NEDD4L: variants seen among roughly 807,000 people sequenced by gnomAD.
NEDD4L encodes the protein E3 ubiquitin-protein ligase NEDD4-like.
In NEDD4L, 54 loss-of-function variants were observed where a neutral mutation model predicts 148.9. The ratio of observed to expected loss-of-function variants is 0.36; its 90% confidence interval spans 0.29 to 0.45. The LOEUF (loss-of-function observed/expected upper bound fraction) is 0.45, where lower values mean the gene tolerates loss of function less well. NEDD4L is among the 20% of genes least tolerant of loss of function. NEDD4L has a pLI of 1.00. For synonymous variants in NEDD4L, 433 were observed against 440.7 expected, an observed-to-expected ratio of 0.98 and a Z score of 0.22; for missense variants, 856 against 1,233.8, an observed-to-expected ratio of 0.69 and a Z score of 4.59.
chr18:58,329,223 T>G, intron 10 of NEDD4L, 96 bp downstream of exon 10: 1 of 1,337,816 alleles, frequency 7.5e-7, no homozygotes, highest in Non-Finnish European at 1.0e-6. Flanking sequence ...TCAGTAAACA[T>G]TGTTGAGAAT....
chr18:58,199,256 T>G (rs1390855295), intron 2 of NEDD4L, among the ~76,000 whole-genome samples: 1 of 152,242 alleles, frequency 6.6e-6, no homozygotes, highest in Non-Finnish European at 1.5e-5. Context: ...ATCCATATGA[T>G]GAATTGCTTA....
intron 5 of NEDD4L, among the ~76,000 whole-genome samples, chr18:58,279,392 G>A (rs938079075): frequency 1.3e-5 from 2 of 152,182 alleles, no homozygotes; most frequent in Admixed American, 1.3e-4. Context: ...ATGCTGAAAG[G>A]CTGCACAGGA....
chr18:58,308,481 C>G (rs1337187811), intron 5 of NEDD4L, among the ~76,000 whole-genome samples: 1 of 152,234 alleles, frequency 6.6e-6, no homozygotes, highest in Non-Finnish European at 1.5e-5. Flanking sequence ...ATGACAAGCT[C>G]TGGCTTCTTC....
At chr18:58,336,222 T>C (rs2041731616) in intron 13 of NEDD4L, 1 of 152,250 alleles carries the variant, frequency 6.6e-6, no homozygotes, top group Non-Finnish European at 1.5e-5. Context: ...TTGCCTGTTT[T>C]CTACTTGATC....
chr18:58,345,926 T>G (rs1399198749), intron 16 of NEDD4L, among the ~76,000 whole-genome samples: 5 of 137,770 alleles, frequency 3.6e-5, no homozygotes, highest in African/African-American at 8.5e-5. Context: ...GTTTTTTGTT[T>G]TTTGTTTTTT....
Position 58,248,892 on chromosome 18 carries a change from C to T in NEDD4L, c.205-7C>T. 2 of 1,457,482 alleles carry T rather than the reference C, an allele frequency of 1.4e-6. No homozygotes were observed. The highest frequency in any genetic ancestry group is 1.9e-6 in the Non-Finnish European group (2 of 1,061,490). 90.3% of individuals were successfully genotyped at this position (1,457,482 alleles called of 1,614,324 possible). A position where few individuals can be genotyped will look rare whatever the true frequency, so the allele number is the denominator to read the frequency against. On this transcript the variant is annotated splice_region_variant and splice_polypyrimidine_tract_variant and intron_variant, in intron 3 of 30. Coordinates refer to ENST00000400345, the MANE Select transcript of NEDD4L (RefSeq NM_001144967.3). Reference sequence around the variant, plus strand: ...TAAAAGATACTACAAGATAATTTCTCTTCCAGACACTGAACCCAAAATGGA... The same window carrying T: ...TAAAAGATACTACAAGATAATTTCTTTTCCAGACACTGAACCCAAAATGGA...
At chr18:58,341,820 C>T in intron 15 of NEDD4L, 23 bp downstream of exon 15, 1 of 1,606,262 alleles carries the variant, frequency 6.2e-7, no homozygotes, top group Non-Finnish European at 8.5e-7. Flanking sequence ...CCTCATCTAA[C>T]TGGACTCACT....
chr18:58,354,049 G>A (rs7242119), intron 18 of NEDD4L, among the ~76,000 whole-genome samples: 57,875 of 152,114 alleles, frequency 0.38, 12,588 homozygotes, highest in African/African-American at 0.6. Context: ...TTAATTTCAA[G>A]AGCAACGAAT....
intron 1 of NEDD4L, chr18:58,045,293 G>A (rs1454976846): frequency 5.0e-6 from 2 of 396,570 alleles, no homozygotes; most frequent in Non-Finnish European, 8.9e-6. Flanking sequence ...GTGGATTTCG[G>A]AGCCTCGGTG....
chr18:58,374,010 C>G (rs945168655), intron 24 of NEDD4L, among the ~76,000 whole-genome samples: 3 of 152,174 alleles, frequency 2.0e-5, no homozygotes, highest in Non-Finnish European at 2.9e-5. Context: ...TCCGCAAAAG[C>G]CCAGAGGTAT....
intron 9 of NEDD4L, among the ~76,000 whole-genome samples, chr18:58,325,968 G>A (rs1237862657): frequency 1.3e-5 from 2 of 152,162 alleles, no homozygotes; most frequent in Non-Finnish European, 2.9e-5. Context: ...CCAAGACAAG[G>A]AGGAAATTAT....
chr18:58,388,798 G>C, intron 27 of NEDD4L: 2 of 398,910 alleles, frequency 5.0e-6, no homozygotes, highest in South Asian at 2.8e-5. Context: ...GGTCCCATGC[G>C]TAAGACTAGA....
chr18:58,058,103 A>G (rs979851952), intron 1 of NEDD4L, among the ~76,000 whole-genome samples: 2 of 152,132 alleles, frequency 1.3e-5, no homozygotes, highest in Non-Finnish European at 2.9e-5. Flanking sequence ...GTCAGGAGGT[A>G]GAGACCATCC....
intron 6 of NEDD4L, among the ~76,000 whole-genome samples, chr18:58,319,617 C>T (rs548434151): frequency 6.6e-6 from 1 of 152,320 alleles, no homozygotes; most frequent in South Asian, 2.1e-4. Context: ...ACCCTCAAAG[C>T]CATCCTGGGA....
intron 2 of NEDD4L, among the ~76,000 whole-genome samples, chr18:58,241,160 T>C (rs1005973871): frequency 2.6e-5 from 4 of 152,236 alleles, no homozygotes; most frequent in Admixed American, 2.6e-4. Context: ...AGCACTATTA[T>C]AATTTGTCTT....
chr18:58,248,929 T>A lies in NEDD4L; in HGVS notation c.235T>A (p.Tyr79Asn). The A allele has an allele frequency of 1.3e-6, 2 of 1,487,756 alleles. No homozygotes were observed. The highest frequency in any genetic ancestry group is 1.8e-6 in the Non-Finnish European group (2 of 1,090,150). The allele number at this position is 1,487,756 out of a possible 1,614,324, so 92.2% of individuals were successfully genotyped here. ...GAACCCAAAATGGAATGAAGAATTTTATTTCAGGGTAAGTTTTTCATTGTT... is the reference window on the plus strand; with the variant it reads ...GAACCCAAAATGGAATGAAGAATTTAATTTCAGGGTAAGTTTTTCATTGTT... Reference protein sequence around the residue: ...TLNPKWNEEFYFRVNPSNHRL... With the variant: ...TLNPKWNEEFNFRVNPSNHRL... The change falls in exon 4 of 31, where the codon TAT (tyrosine) becomes AAT (asparagine). Residue 79 changes from tyrosine to asparagine, a missense_variant. Around this residue, in one of 4 missense-constraint regions of NEDD4L, gnomAD observed 193 missense variants for 244.2 expected, o/e 0.79. Transcript: ENST00000400345.
chr18:58,305,368 T>G (rs990451443), intron 5 of NEDD4L, among the ~76,000 whole-genome samples: 2 of 152,188 alleles, frequency 1.3e-5, no homozygotes, highest in African/African-American at 4.8e-5. Context: ...AAATCACACC[T>G]ACAACTGAGC....
In NEDD4L at chr18:58,161,017, T is replaced by C. The variant is rs2036135698; in HGVS notation, c.49-4771T>C. ...TAACTCATAGGGTTGTTTTTCTTTC[T>C]TTCTTTTTTTTTTCTTTGAGACAGG... On this transcript the variant is annotated intron_variant, in intron 1 of 30. Coordinates refer to ENST00000400345, the MANE Select transcript of NEDD4L (RefSeq NM_001144967.3). Among the ~76,000 whole-genome samples, 3 of 150,998 alleles carry C rather than the reference T, an allele frequency of 2.0e-5. No homozygotes were observed. The South Asian group carries it at 6.5e-4, about 33-fold the overall frequency.
chr18:58,397,390 A>T lies in NEDD4L; in HGVS notation c.*1121A>T, dbSNP rs2050564273. On this transcript the variant is annotated 3_prime_UTR_variant, in exon 31 of 31. Coordinates refer to ENST00000400345, the MANE Select transcript of NEDD4L (RefSeq NM_001144967.3). ...ATCATGAACATTAAATGTGATGATG[A>T]TTTCTTTTCCCTGCACACATCTTTC... 1 of 152,574 alleles carries T rather than the reference A, an allele frequency of 6.6e-6. No homozygotes were observed. 9.5% of individuals were successfully genotyped at this position (152,574 alleles called of 1,614,324 possible). A position where few individuals can be genotyped will look rare whatever the true frequency, so the allele number is the denominator to read the frequency against.
Sources: gnomAD v4.1 joint callset for allele counts (sites outside exome capture counted in the v4.1 genomes callset) on GRCh38, gnomAD v4.1.1 for gene constraint, gnomAD v4.1.1 regional missense constraint, MANE v1.5 for transcripts, NCBI Gene and HGNC (gene_info 2026-07-23, HGNC 2026-07-21) for gene names.